Variants in EPHA3 observed in about 807,000 individuals in gnomAD.
The protein encoded by EPHA3 is EPH receptor A3, also known as ephrin type-A receptor 3.
A neutral mutation model predicts 107.1 loss-of-function variants in EPHA3; 42 were observed. The ratio of observed to expected loss-of-function variants is 0.39; its 90% CI spans 0.31 to 0.51. The LOEUF (loss-of-function observed/expected upper bound fraction) is 0.51. EPHA3 is among the 20% of genes least tolerant of loss of function. The pLI is 0.78. For missense variants in EPHA3, 1,183 were observed against 1,211.2 expected, an observed-to-expected ratio of 0.98 and a Z score of 0.35; for synonymous variants, 461 against 424.8, an observed-to-expected ratio of 1.09 and a Z score of -1.05.
At chr3:89,374,279 A>G (rs1449857530) in intron 5 of EPHA3, among the ~76,000 whole-genome samples, 1 of 151,910 alleles carries the variant, frequency 6.6e-6, no homozygotes, top group Admixed American at 6.6e-5. Flanking sequence ...TGCCATGTAG[A>G]TTTTTGCAGA....
intron 3 of EPHA3, among the ~76,000 whole-genome samples, chr3:89,268,764 T>A (rs189373958): frequency 1.3e-5 from 2 of 152,196 alleles, no homozygotes; most frequent in East Asian, 3.9e-4. Flanking sequence ...TTTACAATGT[T>A]CTCTGAGGAA....
chr3:89,447,624 C>T (rs549933461), intron 13 of EPHA3, among the ~76,000 whole-genome samples: 5 of 152,280 alleles, frequency 3.3e-5, no homozygotes, highest in African/African-American at 9.6e-5. Flanking sequence ...AACTGTTCTT[C>T]TAGAACATAC....
At chr3:89,336,463 T>G (rs1181378488) in intron 3 of EPHA3, among the ~76,000 whole-genome samples, 3 of 152,166 alleles carry the variant, frequency 2.0e-5, no homozygotes, top group Non-Finnish European at 4.4e-5. Flanking sequence ...GGAGAGAGAT[T>G]GCTTATTGAT....
At chr3:89,218,547 T>A (rs561313532) in intron 3 of EPHA3, among the ~76,000 whole-genome samples, 1 of 152,148 alleles carries the variant, frequency 6.6e-6, no homozygotes, top group East Asian at 1.9e-4. Flanking sequence ...TGTTGGACAT[T>A]TGGGTTGGTT....
chr3:89,245,633 A>G (rs1705014020), intron 3 of EPHA3, among the ~76,000 whole-genome samples: 1 of 152,208 alleles, frequency 6.6e-6, no homozygotes, highest in South Asian at 2.1e-4. Context: ...GAAAAATCCT[A>G]CTGCAATGGG....
At position 89,458,033 on chromosome 3, in the gene EPHA3, C is replaced by A. The variant is rs139914010; in HGVS notation, c.2690+7663C>A. On this transcript the variant is annotated intron_variant, in intron 15 of 16. Coordinates refer to ENST00000336596, the MANE Select transcript of EPHA3 (RefSeq NM_005233.6). Reference sequence around the variant, plus strand: ...AAGAACAGAAGGAAGAACAGGTCTGCCATGCAGATAAGCATTCTTGGCAAC... The same window carrying A: ...AAGAACAGAAGGAAGAACAGGTCTGACATGCAGATAAGCATTCTTGGCAAC... 2.1e-3 allele frequency among the ~76,000 whole-genome samples: 317 copies of A among 152,128 alleles called. 3 individuals are homozygous for A. The highest frequency in any genetic ancestry group is 7.3e-3 in the African/African-American group (305 of 41,506).
chr3:89,123,064 C>G (rs1371166944), intron 1 of EPHA3, among the ~76,000 whole-genome samples: 2 of 152,158 alleles, frequency 1.3e-5, no homozygotes, highest in Admixed American at 1.3e-4. Flanking sequence ...GAAATGACAT[C>G]TAGGTTTCCT....
At chr3:89,221,994 G>T (rs1482550160) in intron 3 of EPHA3, among the ~76,000 whole-genome samples, 1 of 152,036 alleles carries the variant, frequency 6.6e-6, no homozygotes, top group African/African-American at 2.4e-5. Flanking sequence ...TTTAACATAG[G>T]ATTAGGTAAG....
Position 89,482,112 on chromosome 3 carries a change from A to C in EPHA3, c.*2610A>C. The C allele has an allele frequency of 4.9e-6, 1 of 202,426 alleles. No homozygotes were observed. The highest frequency in any genetic ancestry group is 1.0e-5 in the Non-Finnish European group (1 of 98,032). The allele number at this position is 202,426 out of a possible 1,614,324, so 12.5% of individuals were successfully genotyped here. ...TTATATTTTTATAATAAACATAATGAAAATATTTTTTACAGATTGGAATAC... is the reference window on the plus strand; with the variant it reads ...TTATATTTTTATAATAAACATAATGCAAATATTTTTTACAGATTGGAATAC... On this transcript the variant is annotated 3_prime_UTR_variant, in exon 17 of 17. Coordinates refer to ENST00000336596, the MANE Select transcript of EPHA3 (RefSeq NM_005233.6).
chr3:89,129,626 T>G (rs1704162729), intron 2 of EPHA3, among the ~76,000 whole-genome samples: 1 of 141,214 alleles, frequency 7.1e-6, no homozygotes, highest in African/African-American at 2.6e-5. Flanking sequence ...TTTGAGAAAC[T>G]GACCAAATTA....
At chr3:89,351,294 G>T (rs368442248) in intron 5 of EPHA3, among the ~76,000 whole-genome samples, 2 of 151,406 alleles carry the variant, frequency 1.3e-5, no homozygotes, top group Non-Finnish European at 3.0e-5. Context: ...GACCCTCTGA[G>T]CCAGGTGTGG....
At chr3:89,247,268 A>C (rs1705055578) in intron 3 of EPHA3, among the ~76,000 whole-genome samples, 1 of 152,200 alleles carries the variant, frequency 6.6e-6, no homozygotes, top group Non-Finnish European at 1.5e-5. Context: ...GGGATGGGGA[A>C]TAATTCTAAA....
intron 3 of EPHA3, among the ~76,000 whole-genome samples, chr3:89,278,221 A>G (rs1705857083): frequency 6.6e-6 from 1 of 152,056 alleles, no homozygotes; most frequent in Non-Finnish European, 1.5e-5. Flanking sequence ...AATCCCAGGC[A>G]TATTGAAACA....
chr3:89,412,745 T>G (rs1370763924), intron 9 of EPHA3, among the ~76,000 whole-genome samples: 1 of 151,924 alleles, frequency 6.6e-6, no homozygotes, highest in Non-Finnish European at 1.5e-5. Flanking sequence ...AATACATATC[T>G]GGTTATTATA....
rs776970304 is a variant in EPHA3 at position 89,340,909 on chromosome 3, T to C, written c.815-7T>C. On this transcript the variant is annotated splice_polypyrimidine_tract_variant and splice_region_variant and intron_variant, in intron 3 of 16. Coordinates refer to ENST00000336596, the MANE Select transcript of EPHA3 (RefSeq NM_005233.6). ...AGACTTTTAAAAGAGAGTCATTTTG[T>C]TTGTAGCTTGTCGACCAGGTTTCTA... 1.9e-6 allele frequency: 3 copies of C among 1,596,774 alleles called. No individual in the cohort carries two copies. The highest frequency in any genetic ancestry group is 2.7e-5 in the African/African-American group (2 of 73,934).
chr3:89,225,563 C>G (rs1245290901), intron 3 of EPHA3, among the ~76,000 whole-genome samples: 1 of 152,048 alleles, frequency 6.6e-6, no homozygotes, highest in Admixed American at 6.6e-5. Context: ...ATTTTTTCCC[C>G]AAATAATTTT....
At chr3:89,341,534 C>T (rs1301460419) in intron 4 of EPHA3, among the ~76,000 whole-genome samples, 1 of 152,140 alleles carries the variant, frequency 6.6e-6, no homozygotes, top group Non-Finnish European at 1.5e-5. Context: ...GTGAATGTAT[C>T]CTTACCTTTG....
At chr3:89,241,617 A>G (rs1363452927) in intron 3 of EPHA3, among the ~76,000 whole-genome samples, 1 of 152,076 alleles carries the variant, frequency 6.6e-6, no homozygotes, top group South Asian at 2.1e-4. Context: ...AATCCTCATA[A>G]CAACTCTCAT....
chr3:89,111,789 T>G (rs1707116490), intron 1 of EPHA3, among the ~76,000 whole-genome samples: 1 of 152,136 alleles, frequency 6.6e-6, no homozygotes. Context: ...AATAATAATT[T>G]GAGTGGTGAA....
Sources: allele counts gnomAD v4.1 joint callset (sites outside exome capture counted in the v4.1 genomes callset), GRCh38; gene constraint gnomAD v4.1.1; transcripts MANE v1.5; gene names NCBI Gene and HGNC (gene_info 2026-07-23, HGNC 2026-07-21).